Variants in TMEM143 observed in about 807,000 individuals in gnomAD.
TMEM143 encodes transmembrane protein 143.
A neutral mutation model predicts 40.3 loss-of-function variants in TMEM143; 45 were observed. The observed-to-expected ratio is 1.12, with a 90% CI of 0.88 to 1.43. TMEM143 has a LOEUF of 1.43. Ranked by LOEUF, TMEM143 falls within the 40% of genes most tolerant of loss-of-function variation. The pLI is 0.00. For missense variants in TMEM143, 620 were observed against 613.4 expected (o/e 1.01, Z -0.11); for synonymous variants, 299 against 282.7 (o/e 1.06, Z -0.58).
rs1216444438 is a variant in TMEM143 at position 48,333,243 on chromosome 19, G to A, written c.1356C>T (p.Ala452=). Residue 452 remains alanine (A), a synonymous_variant, in exon 8 of 8, where the codon GCC becomes GCT. Coordinates refer to ENST00000293261, the MANE Select transcript of TMEM143 (RefSeq NM_018273.4). This position sits in a 1 kb window ranked among gnomAD's most constrained non-coding sequence, Gnocchi z 4.1. ...CTCAGGAGATGTTACTGCTGGGCGTGGCTTGCGGGGGCTCGGAAGTGATCG... is the reference window on the plus strand; with the variant it reads ...CTCAGGAGATGTTACTGCTGGGCGTAGCTTGCGGGGGCTCGGAAGTGATCG... ...VAPITSEPPQ[A]TPSSNIS is the part of the protein sequence containing the mutation. 6.7e-7 allele frequency: 1 copy of A among 1,491,672 alleles called. No individual in the cohort carries two copies. Among genetic ancestry groups the A allele is most frequent in the African/African-American group, 1.4e-5 (1 of 72,256 alleles). 92.4% of individuals were successfully genotyped at this position (1,491,672 alleles called of 1,614,324 possible).
At chr19:48,355,272 C>T (rs1284724502) in intron 3 of TMEM143, among the ~76,000 whole-genome samples, 1 of 152,084 alleles carries the variant, frequency 6.6e-6, no homozygotes, top group African/African-American at 2.4e-5. Flanking sequence ...CTCAAGTGAT[C>T]CGCCTACCTC....
Position 48,346,821 on chromosome 19 carries a change from C to T in TMEM143, c.370-1467G>A, listed in dbSNP as rs1419470302. On this transcript the variant is annotated intron_variant, in intron 3 of 7. Transcript: ENST00000293261. ...TCGAACTCCTGACCTCAAGCGATCC[C>T]CCCACCTCAGTCTCCCAAAGTGGTG... Among the ~76,000 whole-genome samples, 4 of 152,154 alleles carry T rather than the reference C, an allele frequency of 2.6e-5. No individual in the cohort carries two copies. In the East Asian group the frequency reaches 5.8e-4, roughly 22 times the overall value.
intron 3 of TMEM143, among the ~76,000 whole-genome samples, chr19:48,353,147 A>C (rs1969812924): frequency 6.6e-6 from 1 of 151,624 alleles, no homozygotes; most frequent in Non-Finnish European, 1.5e-5. Flanking sequence ...ACTGTGCAGG[A>C]CACCACTTAC....
At chr19:48,341,130 C>T (rs1007684582) in intron 6 of TMEM143, among the ~76,000 whole-genome samples, 8 of 152,162 alleles carry the variant, frequency 5.3e-5, no homozygotes, top group Admixed American at 1.3e-4. Flanking sequence ...GGTGAATGAT[C>T]GCGTACGACA....
At chr19:48,355,467 C>A (rs2053418842) in intron 3 of TMEM143, among the ~76,000 whole-genome samples, 1 of 152,184 alleles carries the variant, frequency 6.6e-6, no homozygotes, top group Admixed American at 6.6e-5. Context: ...TGATCCTGGG[C>A]ACAACCCGGG....
rs868091239 is a variant in TMEM143 at position 48,345,339 on chromosome 19, TG to T, written c.384del (p.Ile129SerfsTer13). The T allele has an allele frequency of 1.3e-6, 2 of 1,573,348 alleles. No individual in the cohort carries two copies. Among genetic ancestry groups the T allele is most frequent in the Admixed American group, 1.8e-5 (1 of 54,574 alleles). On this transcript the variant is annotated frameshift_variant, in exon 4 of 8. Coordinates refer to ENST00000293261, the MANE Select transcript of TMEM143 (RefSeq NM_018273.4). LOFTEE classifies it high-confidence loss of function. ...ILARLQALYDPINPDRETLDQ... is the reference protein window; with the variant it reads ...ILARLQALYDXINPDRETLDQ... ...TCGAGGGTCTCCCTGTCAGGGTTGA[TG>T]GGGTCATATAAGGCCTAAGAGGAGA...
intron 6 of TMEM143, among the ~76,000 whole-genome samples, chr19:48,334,414 CTCTCTT>C (rs1460252099): frequency 9.7e-4 from 100 of 103,580 alleles, no homozygotes; most frequent in Admixed American, 3.4e-3. Context: ...CTTTCTTTTT[CTCTCTT>C]TCTTTCTTTC....
At chr19:48,342,934 CA>C in intron 5 of TMEM143, 125 bp from the exon 6 acceptor site, 1 of 1,206,776 alleles carries the variant, frequency 8.3e-7, no homozygotes, top group Non-Finnish European at 1.1e-6. Flanking sequence ...ACTCAGTAAT[CA>C]TGGGGAAGAA....
chr19:48,339,241 C>T (rs1007273374), intron 6 of TMEM143, among the ~76,000 whole-genome samples: 1 of 152,114 alleles, frequency 6.6e-6, no homozygotes, highest in Non-Finnish European at 1.5e-5. Context: ...GATGACAGGT[C>T]ATCCTTAGAT....
intron 3 of TMEM143, among the ~76,000 whole-genome samples, chr19:48,355,013 T>C (rs1300709612): frequency 6.6e-6 from 1 of 152,110 alleles, no homozygotes; most frequent in Non-Finnish European, 1.5e-5. Context: ...TATAATAAAA[T>C]AGGCTTTTTT....
chr19:48,348,347 C>T (rs1047705723), intron 3 of TMEM143, among the ~76,000 whole-genome samples: 2 of 152,206 alleles, frequency 1.3e-5, no homozygotes, highest in Admixed American at 6.6e-5. Context: ...CTGCCGATTC[C>T]ACCTTCAAGC....
At chr19:48,362,659 A>C (rs1970075385) in intron 2 of TMEM143, among the ~76,000 whole-genome samples, 1 of 152,224 alleles carries the variant, frequency 6.6e-6, no homozygotes, top group Non-Finnish European at 1.5e-5. Flanking sequence ...ATGGCACCCA[A>C]GGGTGCAAAA....
chr19:48,342,191 A>C (rs1600902419), intron 6 of TMEM143, among the ~76,000 whole-genome samples: 1 of 58,620 alleles, frequency 1.7e-5, no homozygotes, highest in South Asian at 7.5e-4. Context: ...AGGGGAGAGG[A>C]GGGGAGGCGG....
chr19:48,346,122 C>T (rs1281646913), intron 3 of TMEM143, among the ~76,000 whole-genome samples: 1 of 150,496 alleles, frequency 6.6e-6, no homozygotes, highest in Non-Finnish European at 1.5e-5. Flanking sequence ...GATGGAGTCT[C>T]GCTCTGTCAC....
intron 2 of TMEM143, among the ~76,000 whole-genome samples, chr19:48,360,939 A>G (rs2147390010): frequency 6.6e-6 from 1 of 151,644 alleles, no homozygotes; most frequent in Admixed American, 6.6e-5. Context: ...GGTGCCCACC[A>G]CCATGCCTGG....
At chr19:48,340,137 T>G (rs888471556) in intron 6 of TMEM143, among the ~76,000 whole-genome samples, 7 of 146,996 alleles carry the variant, frequency 4.8e-5, no homozygotes, top group Non-Finnish European at 7.5e-5. Flanking sequence ...TTTTTTTTTT[T>G]TTTTTTTGAG....
chr19:48,358,939 CG>C (rs1969970812), intron 3 of TMEM143, among the ~76,000 whole-genome samples: 1 of 152,124 alleles, frequency 6.6e-6, no homozygotes, highest in Non-Finnish European at 1.5e-5. Context: ...GAGGCCAAGG[CG>C]GGTGGATCAC....
At chr19:48,356,248 GCTGGGATTACAGCTA>G (rs752651188) in intron 3 of TMEM143, among the ~76,000 whole-genome samples, 57 of 149,176 alleles carry the variant, frequency 3.8e-4, no homozygotes, top group Non-Finnish European at 7.5e-4. Flanking sequence ...CTCCTGAGTA[GCTGGGATTACAGCTA>G]CTGGGATTAC....
intron 6 of TMEM143, among the ~76,000 whole-genome samples, chr19:48,340,839 C>T (rs180735993): frequency 1.9e-3 from 286 of 152,242 alleles, no homozygotes; most frequent in Non-Finnish European, 3.7e-3. Flanking sequence ...CTTCCCCTCT[C>T]TACCCTGCTC....
Sources: gnomAD v4.1 joint callset for allele counts (sites outside exome capture counted in the v4.1 genomes callset) on GRCh38, gnomAD v4.1.1 for gene constraint, Gnocchi (gnomAD v3.1) non-coding constraint, MANE v1.5 for transcripts, NCBI Gene and HGNC (gene_info 2026-07-23, HGNC 2026-07-21) for gene names.